C2orf68: variants seen among roughly 807,000 people sequenced by gnomAD.
The protein encoded by C2orf68 is chromosome 2 open reading frame 68, also known as UPF0561 protein C2orf68.
Under a neutral mutation model 19.1 loss-of-function variants are expected in C2orf68, and 15 were observed. That is an observed-to-expected ratio of 0.79 (90% confidence interval 0.53 to 1.21). C2orf68 has a LOEUF of 1.21. C2orf68 is among the 50% of genes most tolerant of loss of function. The pLI, the probability that C2orf68 is intolerant of heterozygous loss-of-function variation, is 0.00. For missense variants in C2orf68, 242 were observed against 226.6 expected (o/e 1.07, Z -0.44); for synonymous variants, 98 against 91.0 (o/e 1.08, Z -0.44).
intron 3 of C2orf68, 123 bp from the exon 4 acceptor site, chr2:85,609,190 T>C (rs930300552): frequency 2.9e-6 from 4 of 1,376,642 alleles, no homozygotes; most frequent in African/African-American, 1.4e-5. Flanking sequence ...CACCTGTCAT[T>C]TCCTATGTGT....
At position 85,609,560 on chromosome 2, in the gene C2orf68, C is replaced by T. The variant is rs1673366297; in HGVS notation, c.253G>A (p.Asp85Asn). Residue 85 changes from aspartate (D) to asparagine (N), a missense_variant, in exon 3 of 4, where the codon GAC becomes AAC. Physicochemically the swap from Asp to Asn is conservative, Grantham distance 23. Transcript: ENST00000306336. Reference sequence around the variant, plus strand: ...CTGCTTTCACCGGACTCTTCATAGTCTGGGTTGCGTGGGTGGGCAGAGACA... The same window carrying T: ...CTGCTTTCACCGGACTCTTCATAGTTTGGGTTGCGTGGGTGGGCAGAGACA... ...RDVSAHPRNPDYEESGESSSS... is the reference protein window; with the variant it reads ...RDVSAHPRNPNYEESGESSSS... The T allele has an allele frequency of 5.6e-6, 9 of 1,614,196 alleles. No individual in the cohort carries two copies. The highest frequency in any genetic ancestry group is 1.7e-5 in the Admixed American group (1 of 60,022).
intron 3 of C2orf68, 101 bp downstream of exon 3, chr2:85,609,334 C>T: frequency 6.7e-7 from 1 of 1,494,428 alleles, no homozygotes; most frequent in East Asian, 2.3e-5. Flanking sequence ...GGAGCAGACG[C>T]TTCCCATTGG....
At chr2:85,609,317 C>T in intron 3 of C2orf68, 118 bp downstream of exon 3, 2 of 1,427,724 alleles carry the variant, frequency 1.4e-6, no homozygotes, top group South Asian at 1.3e-5. Context: ...GGCCTAGACT[C>T]ACATGTGGAG....
chr2:85,609,143 C>A, intron 3 of C2orf68, 76 bp from the exon 4 acceptor site: 1 of 1,562,178 alleles, frequency 6.4e-7, no homozygotes, highest in Non-Finnish European at 8.7e-7. Context: ...CCTAAACACT[C>A]TCACAGAACT....
rs1673202910 is a variant in C2orf68, at chr2:85,606,113, CA to C, written c.*2831del. 6.6e-6 allele frequency among the ~76,000 whole-genome samples: 1 copy of C among 152,186 alleles called. No individual in the cohort carries two copies. The highest frequency in any genetic ancestry group is 6.5e-5 in the Admixed American group (1 of 15,274). The stretch of plus-strand genomic sequence containing the variant: ...CCTTAAAATACAGGCTTAAATTCAG[CA>C]AGCGAAGAACATTCCATATTGAATG... On this transcript the variant is annotated 3_prime_UTR_variant, in exon 4 of 4. Coordinates refer to ENST00000306336, the MANE Select transcript of C2orf68 (RefSeq NM_001013649.4).
chr2:85,609,529 C>A lies in C2orf68; in HGVS notation c.284G>T (p.Ser95Ile), dbSNP rs1331148774. 2 of 1,614,098 alleles carry A rather than the reference C, an allele frequency of 1.2e-6. No homozygotes were observed. Among genetic ancestry groups the A allele is most frequent in the Admixed American group, 1.7e-5 (1 of 60,006 alleles). The change falls in exon 3 of 4, where the codon AGT becomes ATT. Residue 95 changes from serine (S) to isoleucine (I), a missense_variant. Transcript: ENST00000306336. The stretch of plus-strand genomic sequence containing the variant: ...AGAAGGCTCCAGCTCAGAGCCTCCA[C>A]TACTGCTGCTTTCACCGGACTCTTC... The part of the protein sequence containing the change: ...DYEESGESSS[S>I]GGSELEPSGH...
rs1673279238 is a variant in C2orf68, at chr2:85,607,970, TCTGG to T, written c.*971_*974del. 6.6e-6 allele frequency: 1 copy of T among 152,260 alleles called. No homozygotes were observed. The highest frequency in any genetic ancestry group is 6.5e-5 in the Admixed American group (1 of 15,280). 9.4% of individuals were successfully genotyped at this position (152,260 alleles called of 1,614,324 possible). On this transcript the variant is annotated 3_prime_UTR_variant, in exon 4 of 4. Coordinates refer to ENST00000306336, the MANE Select transcript of C2orf68 (RefSeq NM_001013649.4). The stretch of plus-strand genomic sequence containing the variant: ...GGAGAGAAGGCCTCATTTCATTCCC[TCTGG>T]CGTGCTGTCAATCAGGCAATTATTG...
chr2:85,609,694 T>G (rs1673380794), intron 2 of C2orf68, 108 bp from the exon 3 acceptor site: 2 of 1,423,820 alleles, frequency 1.4e-6, no homozygotes, highest in African/African-American at 2.9e-5. Context: ...CAGTCTTCTT[T>G]TTTTTGAGAC....
rs537111251 is a variant in C2orf68 at position 85,612,021 on chromosome 2, G to T, written c.-37C>A. On this transcript the variant is annotated 5_prime_UTR_variant, in exon 1 of 4. Transcript: ENST00000306336. ...GACGCAGAGTCGCCGCCGCCTCGAC[G>T]GCCCCAACAACAGCCACCCGCCCAC... 1.4e-5 allele frequency: 20 copies of T among 1,418,646 alleles called. No homozygotes were observed. The highest frequency in any genetic ancestry group is 7.4e-5 in the African/African-American group (5 of 67,746). 87.9% of individuals were successfully genotyped at this position (1,418,646 alleles called of 1,614,324 possible). A position where few individuals can be genotyped will look rare whatever the true frequency, so the allele number is the denominator to read the frequency against.
At chr2:85,609,348 T>G (rs1573373152) in intron 3 of C2orf68, 87 bp downstream of exon 3, 3 of 1,527,838 alleles carry the variant, frequency 2.0e-6, no homozygotes, top group Non-Finnish European at 2.7e-6. Context: ...CCATTGGGGG[T>G]CCTGAGGAAA....
At position 85,606,784 on chromosome 2, in the gene C2orf68, T is replaced by G. The variant is rs1028267813; in HGVS notation, c.*2161A>C. On this transcript the variant is annotated 3_prime_UTR_variant, in exon 4 of 4. Coordinates refer to ENST00000306336, the MANE Select transcript of C2orf68 (RefSeq NM_001013649.4). ...TGCTGCCTTGCCTTTTACCTCTTCCTTTTTTTTTTTTTTTTGAGATGGAGT... is the reference window on the plus strand; with the variant it reads ...TGCTGCCTTGCCTTTTACCTCTTCCGTTTTTTTTTTTTTTTGAGATGGAGT... 1 of 131,494 alleles carries G rather than the reference T, an allele frequency of 7.6e-6. No individual in the cohort carries two copies. Among genetic ancestry groups the G allele is most frequent in the Non-Finnish European group, 1.7e-5 (1 of 60,496 alleles). 8.1% of individuals were successfully genotyped at this position (131,494 alleles called of 1,614,324 possible).
In C2orf68 at chr2:85,611,749, C is replaced by T; in HGVS notation, c.145G>A (p.Glu49Lys). ...YDKKVKQAAK[E>K]KVRRRHTPAP... ...GGCGTGTGCCGCCTCCTCACCTTCT[C>T]CTTGGCCGCCTGCTTCACCTTCTTG... The change falls in exon 2 of 4, where the codon GAG (glutamate) becomes AAG (lysine). Residue 49 changes from glutamate (E) to lysine (K), a missense_variant. Transcript: ENST00000306336. 8 of 1,611,822 alleles carry T rather than the reference C, an allele frequency of 5.0e-6. No homozygotes were observed. Among genetic ancestry groups the T allele is most frequent in the Non-Finnish European group, 6.8e-6 (8 of 1,179,354 alleles).
chr2:85,609,460 T>TCTC lies in C2orf68; in HGVS notation c.350_352dup (p.Gly117dup), dbSNP rs1275622532. The TCTC allele has an allele frequency of 6.2e-7, 1 of 1,614,198 alleles. No individual in the cohort carries two copies. Among genetic ancestry groups the TCTC allele is most frequent in the East Asian group, 2.2e-5 (1 of 44,876 alleles). On this transcript the variant is annotated inframe_insertion, in exon 3 of 4. Transcript: ENST00000306336. ...CTGATAGACGATAACTGATGTGACC[T>TCTC]CTCCACTGTCTGCCTCGTATTCTAA... is the stretch of plus-strand genomic sequence containing the variant.
Position 85,611,864 on chromosome 2 carries a change from G to T in C2orf68, c.107+14C>A. ...CAGGAGTGGTGGCGGCGGCGGCGCAGGGCGGGGCGGTACCGAGCGATCTGG... is the reference window on the plus strand; with the variant it reads ...CAGGAGTGGTGGCGGCGGCGGCGCATGGCGGGGCGGTACCGAGCGATCTGG... On this transcript the variant is annotated intron_variant, in intron 1 of 3. Transcript: ENST00000306336. 1 of 1,598,160 alleles carries T rather than the reference G, an allele frequency of 6.3e-7. No individual in the cohort carries two copies.
intron 3 of C2orf68, 68 bp from the exon 4 acceptor site, chr2:85,609,135 T>TA: frequency 6.3e-7 from 1 of 1,582,122 alleles, no homozygotes; most frequent in Non-Finnish European, 8.6e-7. Context: ...GCCCTGTCCC[T>TA]AAACACTCTC....
intron 2 of C2orf68, chr2:85,611,373 T>C: frequency 6.9e-7 from 1 of 1,451,798 alleles, no homozygotes. Flanking sequence ...GACTTTCTCT[T>C]TGCTAGGTAG....
chr2:85,608,173 G>C lies in C2orf68; in HGVS notation c.*772C>G, dbSNP rs918694477. The C allele has an allele frequency of 7.2e-5, 11 of 152,224 alleles. No homozygotes were observed. The highest frequency in any genetic ancestry group is 5.2e-4 in the Admixed American group (8 of 15,282). 9.4% of individuals were successfully genotyped at this position (152,224 alleles called of 1,614,324 possible). ...AGCCCTGGCCGAGGCAGGTTTTGCTGTAAGAAATCTTTTCAGTTTAGCACC... is the reference window on the plus strand; with the variant it reads ...AGCCCTGGCCGAGGCAGGTTTTGCTCTAAGAAATCTTTTCAGTTTAGCACC... On this transcript the variant is annotated 3_prime_UTR_variant, in exon 4 of 4. Transcript: ENST00000306336.
chr2:85,611,860 C>T lies in C2orf68; in HGVS notation c.107+18G>A, dbSNP rs760438050. 3.1e-6 allele frequency: 5 copies of T among 1,597,222 alleles called. No individual in the cohort carries two copies. Among genetic ancestry groups the T allele is most frequent in the East Asian group, 2.3e-5 (1 of 44,378 alleles). ...AGGCCAGGAGTGGTGGCGGCGGCGG[C>T]GCAGGGCGGGGCGGTACCGAGCGAT... is the stretch of plus-strand genomic sequence containing the variant. On this transcript the variant is annotated intron_variant, in intron 1 of 3. Transcript: ENST00000306336.
At chr2:85,611,197 T>C in intron 2 of C2orf68, 1 of 1,126,056 alleles carries the variant, frequency 8.9e-7, no homozygotes, top group South Asian at 2.0e-5. Context: ...GACAGAGACC[T>C]AGTCTCAAAA....
Sources: gnomAD v4.1 joint callset for allele counts (sites outside exome capture counted in the v4.1 genomes callset) on GRCh38, gnomAD v4.1.1 for gene constraint, MANE v1.5 for transcripts, NCBI Gene and HGNC (gene_info 2026-07-23, HGNC 2026-07-21) for gene names.